GCDH: variants seen among roughly 807,000 people sequenced by gnomAD.
GCDH encodes glutaryl-CoA dehydrogenase, also known as glutaryl-CoA dehydrogenase, mitochondrial.
Under a neutral mutation model 52.8 loss-of-function variants are expected in GCDH, and 31 were observed. The observed-to-expected ratio is 0.59, with a 90% CI of 0.44 to 0.79. The LOEUF (loss-of-function observed/expected upper bound fraction) is 0.79. GCDH is among the 30% of genes least tolerant of loss of function. The pLI is 0.00. For missense variants in GCDH, 509 were observed against 595.0 expected (o/e 0.86, Z 1.50); for synonymous variants, 242 against 250.0 (o/e 0.97, Z 0.30).
intron 11 of GCDH, among the ~76,000 whole-genome samples, chr19:12,898,540 A>T (rs770263745): frequency 6.6e-6 from 1 of 150,602 alleles, no homozygotes; most frequent in African/African-American, 2.4e-5. Flanking sequence ...GGGTGGGGGG[A>T]TCCTACAAAT....
At chr19:12,893,676 T>C in intron 6 of GCDH, 23 bp downstream of exon 6, 1 of 1,603,398 alleles carries the variant, frequency 6.2e-7, no homozygotes, top group African/African-American at 1.3e-5. Flanking sequence ...CCATGGGGCC[T>C]GGTGGAAGGA....
intron 10 of GCDH, 92 bp downstream of exon 10, chr19:12,897,520 GC>G (rs1970713578): frequency 2.6e-6 from 4 of 1,520,716 alleles, no homozygotes; most frequent in Non-Finnish European, 3.6e-6. Context: ...CTGCCTGGTG[GC>G]CCTGGGGACC....
intron 6 of GCDH, 99 bp from the exon 7 acceptor site, chr19:12,895,893 G>A: frequency 2.1e-6 from 3 of 1,454,536 alleles, no homozygotes; most frequent in Non-Finnish European, 2.9e-6. Context: ...GTGCTGGGAT[G>A]ACAGGCGTGA....
At chr19:12,894,922 A>AC (rs1568426808) in intron 6 of GCDH, 2 of 428,672 alleles carry the variant, frequency 4.7e-6, no homozygotes, top group Non-Finnish European at 8.5e-6. Context: ...GCAAAAAAAA[A>AC]AAAAAACCCA....
intron 11 of GCDH, 106 bp from the exon 12 acceptor site, chr19:12,899,362 G>T: frequency 6.2e-7 from 1 of 1,614,020 alleles, no homozygotes; most frequent in East Asian, 2.2e-5. Context: ...CATCTCTGTT[G>T]GTCTGTACTT....
In GCDH at chr19:12,896,597, G is replaced by T. The variant is rs563088037; in HGVS notation, c.852+176G>T. Reference sequence around the variant, plus strand: ...ACTGCCCCCATTTGGTGACCGTCTCGCTCATCCCGGCTCTGCCCGGGACAC... The same window carrying T: ...ACTGCCCCCATTTGGTGACCGTCTCTCTCATCCCGGCTCTGCCCGGGACAC... On this transcript the variant is annotated intron_variant, in intron 8 of 11. Coordinates refer to ENST00000222214, the MANE Select transcript of GCDH (RefSeq NM_000159.4). This position sits in a 1 kb window ranked among gnomAD's most constrained non-coding sequence, Gnocchi z 5.5. 6.6e-6 allele frequency among the ~76,000 whole-genome samples: 1 copy of T among 152,182 alleles called. No homozygotes were observed. Among genetic ancestry groups the T allele is most frequent in the South Asian group, 2.1e-4 (1 of 4,828 alleles).
chr19:12,893,466 C>T lies in GCDH; in HGVS notation c.335-17C>T. 6.2e-7 allele frequency: 1 copy of T among 1,611,828 alleles called. No individual in the cohort carries two copies. Among genetic ancestry groups the T allele is most frequent in the Non-Finnish European group, 8.5e-7 (1 of 1,177,902 alleles). On this transcript the variant is annotated splice_polypyrimidine_tract_variant and intron_variant, in intron 5 of 11. Coordinates refer to ENST00000222214, the MANE Select transcript of GCDH (RefSeq NM_000159.4). ...CCTGTTCTCTATTGTCCTGCTTTCC[C>T]CTCCTACTACCACCAGGATATGGCT...
chr19:12,897,030 G>GTGAGA lies in GCDH; in HGVS notation c.956+19_956+23dup, dbSNP rs1409849586. The GTGAGA allele has an allele frequency of 1.9e-6, 3 of 1,591,468 alleles. No individual in the cohort carries two copies. The African/African-American group carries it at 4.0e-5, about 21-fold the overall frequency. ...CCTCGACAGGTGTGTGAGGGCTGCA[G>GTGAGA]TGAGATTCTCTGGGGGTGTGGGGCA... is the stretch of plus-strand genomic sequence containing the variant. On this transcript the variant is annotated intron_variant, in intron 9 of 11. Coordinates refer to ENST00000222214, the MANE Select transcript of GCDH (RefSeq NM_000159.4).
chr19:12,892,879 CT>C (rs1044140707), intron 5 of GCDH, among the ~76,000 whole-genome samples: 238 of 130,754 alleles, frequency 1.8e-3, no homozygotes, highest in South Asian at 2.3e-3. Flanking sequence ...CGGCCCTTTT[CT>C]TTTTTTTTTT....
At chr19:12,894,092 C>T in intron 6 of GCDH, 2 of 871,528 alleles carry the variant, frequency 2.3e-6, no homozygotes, top group South Asian at 1.5e-5. Context: ...TGGACGTTGG[C>T]CCTCTTCCGT....
chr19:12,896,837 C>T lies in GCDH; in HGVS notation c.853-73C>T. On this transcript the variant is annotated intron_variant, in intron 8 of 11. Coordinates refer to ENST00000222214, the MANE Select transcript of GCDH (RefSeq NM_000159.4). The surrounding 1 kb of genome is among the most constrained non-coding windows in gnomAD (Gnocchi z 5.5). The stretch of plus-strand genomic sequence containing the variant: ...GTGGCTGGGGAGGAGGCTTTCCCTG[C>T]TTCAGAGTTGGTTCTGCATAGGCCC... 1 of 1,061,756 alleles carries T rather than the reference C, an allele frequency of 9.4e-7. No individual in the cohort carries two copies. Among genetic ancestry groups the T allele is most frequent in the Non-Finnish European group, 1.5e-6 (1 of 686,100 alleles). 65.8% of individuals were successfully genotyped at this position (1,061,756 alleles called of 1,614,324 possible). A position where few individuals can be genotyped will look rare whatever the true frequency, so the allele number is the denominator to read the frequency against.
At chr19:12,893,235 G>A (rs548605981) in intron 5 of GCDH, among the ~76,000 whole-genome samples, 1 of 152,240 alleles carries the variant, frequency 6.6e-6, no homozygotes, top group South Asian at 2.1e-4. Flanking sequence ...TGCCCAGGCT[G>A]TTCTCAAGTG....
chr19:12,891,169 G>A lies in GCDH; in HGVS notation c.-68G>A. The stretch of plus-strand genomic sequence containing the variant: ...GTCAAAGGCCTGCGTCAGTTGCACT[G>A]TAGCCTCGGCAGTGAACCGGGAGGT... On this transcript the variant is annotated 5_prime_UTR_variant, in exon 1 of 12. Coordinates refer to ENST00000222214, the MANE Select transcript of GCDH (RefSeq NM_000159.4). 1.4e-6 allele frequency: 1 copy of A among 707,876 alleles called. No homozygotes were observed. Among genetic ancestry groups the A allele is most frequent in the Non-Finnish European group, 2.5e-6 (1 of 396,366 alleles). 43.8% of individuals were successfully genotyped at this position (707,876 alleles called of 1,614,324 possible).
chr19:12,897,512 G>T, intron 10 of GCDH, 84 bp downstream of exon 10: 2 of 1,543,462 alleles, frequency 1.3e-6, no homozygotes, highest in South Asian at 2.2e-5. Flanking sequence ...GGTCCTTCCT[G>T]CCTGGTGGCC....
chr19:12,897,646 T>G (rs1970716644), intron 10 of GCDH, 57 bp from the exon 11 acceptor site: 1 of 1,603,508 alleles, frequency 6.2e-7, no homozygotes, highest in South Asian at 1.1e-5. Flanking sequence ...TAGGTTTGCT[T>G]GGAGCATCGG....
At chr19:12,894,753 C>T in intron 6 of GCDH, 1 of 830,360 alleles carries the variant, frequency 1.2e-6, no homozygotes, top group Non-Finnish European at 1.9e-6. Context: ...GAAGAGGCTG[C>T]AGAATATGCT....
At chr19:12,891,642 G>A in intron 3 of GCDH, 120 bp downstream of exon 3, 1 of 1,609,248 alleles carries the variant, frequency 6.2e-7, no homozygotes, top group Non-Finnish European at 8.5e-7. Flanking sequence ...TCGTGGCCAG[G>A]GTCAGAGGCA....
chr19:12,899,207 G>A (rs1970771460), intron 11 of GCDH: 4 of 797,848 alleles, frequency 5.0e-6, no homozygotes, highest in Admixed American at 2.2e-5. Context: ...AGCACAAGGA[G>A]CTTTGGGTTT....
Position 12,896,875 on chromosome 19 carries a change from T to C in GCDH, c.853-35T>C. The C allele has an allele frequency of 1.3e-6, 2 of 1,484,958 alleles. No individual in the cohort carries two copies. The highest frequency in any genetic ancestry group is 1.1e-5 in the South Asian group (1 of 88,460). 92.0% of individuals were successfully genotyped at this position (1,484,958 alleles called of 1,614,324 possible). A position where few individuals can be genotyped will look rare whatever the true frequency, so the allele number is the denominator to read the frequency against. ...TCTGCATAGGCCCTCTTGGTGTCTC[T>C]TGGGTGGGCCTGAGGCGCCATCTCA... On this transcript the variant is annotated intron_variant, in intron 8 of 11. Transcript: ENST00000222214. The surrounding 1 kb of genome is among the most constrained non-coding windows in gnomAD (Gnocchi z 5.5).
Sources: allele counts gnomAD v4.1 joint callset (sites outside exome capture counted in the v4.1 genomes callset), GRCh38; gene constraint gnomAD v4.1.1; non-coding constraint Gnocchi (gnomAD v3.1); transcripts MANE v1.5; gene names NCBI Gene and HGNC (gene_info 2026-07-23, HGNC 2026-07-21).